Variants in NBEA observed in about 807,000 individuals in gnomAD.
NBEA encodes the protein neurobeachin.
Under a neutral mutation model 343.4 loss-of-function variants are expected in NBEA, and 44 were observed. The ratio of observed to expected loss-of-function variants is 0.13; its 90% CI spans 0.10 to 0.16. The LOEUF is 0.16. Among genes scored for constraint, NBEA ranks in the 10% least tolerant of loss-of-function variants. The probability of loss-of-function intolerance (pLI) is 1.00; values close to 1 mark genes in which losing one functional copy is unlikely to be tolerated. For synonymous variants in NBEA, 1,175 were observed against 1,238.7 expected, an observed-to-expected ratio of 0.95 and a Z score of 1.08; for missense variants, 2,555 against 3,631.3, an observed-to-expected ratio of 0.70 and a Z score of 7.62.
intron 58 of NBEA, among the ~76,000 whole-genome samples, chr13:35,669,170 G>A (rs957886588): frequency 1.3e-5 from 2 of 152,028 alleles, no homozygotes; most frequent in African/African-American, 2.4e-5. Flanking sequence ...TTTGCAATAG[G>A]ATTTTATTAT....
chr13:35,410,073 A>G (rs909556597), intron 38 of NBEA, among the ~76,000 whole-genome samples: 2 of 152,092 alleles, frequency 1.3e-5, no homozygotes, highest in African/African-American at 4.8e-5. Context: ...TGTTTCAGAG[A>G]ATTTATCAAG....
intron 1 of NBEA, among the ~76,000 whole-genome samples, chr13:34,963,019 A>G (rs1453499089): frequency 6.6e-6 from 1 of 151,992 alleles, no homozygotes; most frequent in African/African-American, 2.4e-5. Flanking sequence ...TTACTGATTT[A>G]ATGTGGGATA....
rs78698318 is a variant in NBEA, at chr13:35,113,590, T to C, written c.2002+2612T>C. 1.7e-3 allele frequency among the ~76,000 whole-genome samples: 226 copies of C among 132,878 alleles called. 2 individuals are homozygous for C. Among genetic ancestry groups the C allele is most frequent in the African/African-American group, 5.4e-3 (184 of 34,116 alleles). 87.2% of individuals were successfully genotyped at this position (132,878 alleles called of 152,430 possible). A position where few individuals can be genotyped will look rare whatever the true frequency, so the allele number is the denominator to read the frequency against. On this transcript the variant is annotated intron_variant, in intron 13 of 58. Coordinates refer to ENST00000379939, the MANE Select transcript of NBEA (RefSeq NM_001385012.1). ...AACTTGTTTTACTCCTCCACTCATC[T>C]ATCTATCTATCTATCTATCTATCTA...
intron 41 of NBEA, among the ~76,000 whole-genome samples, chr13:35,517,038 C>T (rs1480882981): frequency 6.6e-6 from 1 of 152,066 alleles, no homozygotes. Context: ...CATATACAGT[C>T]AAAATTATAC....
intron 17 of NBEA, among the ~76,000 whole-genome samples, chr13:35,129,348 A>G (rs145515737): frequency 8.0e-4 from 122 of 152,276 alleles, no homozygotes; most frequent in African/African-American, 2.7e-3. Context: ...ACACAAAAGT[A>G]AGGGAAATTC....
chr13:35,464,795 T>C (rs936740630), intron 40 of NBEA, among the ~76,000 whole-genome samples: 5 of 152,228 alleles, frequency 3.3e-5, no homozygotes, highest in Non-Finnish European at 7.3e-5. Context: ...ATAATTATTC[T>C]TGTGTATTCT....
intron 49 of NBEA, among the ~76,000 whole-genome samples, chr13:35,633,688 C>T (rs986535812): frequency 2.6e-5 from 4 of 151,938 alleles, no homozygotes; most frequent in Non-Finnish European, 5.9e-5. Flanking sequence ...ATACCTAATT[C>T]ATGGGAGAAA....
intron 1 of NBEA, among the ~76,000 whole-genome samples, chr13:35,037,327 T>C (rs2062480757): frequency 6.6e-6 from 1 of 152,210 alleles, no homozygotes; most frequent in Non-Finnish European, 1.5e-5. Flanking sequence ...TCTTTGAGTT[T>C]CCTCAACACA....
At chr13:35,670,800 G>T in intron 58 of NBEA, 101 bp from the exon 59 acceptor site, 1 of 745,162 alleles carries the variant, frequency 1.3e-6, no homozygotes, top group South Asian at 1.6e-5. Flanking sequence ...TCGTGATATT[G>T]TCTAGTGTAA....
At chr13:35,333,399 A>G (rs964818756) in intron 36 of NBEA, among the ~76,000 whole-genome samples, 1 of 152,044 alleles carries the variant, frequency 6.6e-6, no homozygotes, top group Admixed American at 6.6e-5. Context: ...GATTTTTAAA[A>G]TTTTTTATTT....
chr13:35,176,908 G>GTGAC, intron 27 of NBEA, 88 bp from the exon 28 acceptor site: 2 of 797,818 alleles, frequency 2.5e-6, no homozygotes, highest in Non-Finnish European at 4.1e-6. Context: ...GATACATGAT[G>GTGAC]TGACCAGTTT....
At chr13:35,580,111 A>C (rs2080945914) in intron 45 of NBEA, among the ~76,000 whole-genome samples, 1 of 152,082 alleles carries the variant, frequency 6.6e-6, no homozygotes, top group Non-Finnish European at 1.5e-5. Context: ...AAAGTTTTAT[A>C]GGGATAGAAA....
chr13:35,094,444 T>C (rs750831702), intron 10 of NBEA, among the ~76,000 whole-genome samples: 35 of 152,204 alleles, frequency 2.3e-4, no homozygotes, highest in Admixed American at 4.6e-4. Flanking sequence ...TTGGTCTTCT[T>C]TGAGATCACA....
intron 1 of NBEA, among the ~76,000 whole-genome samples, chr13:35,024,886 T>C (rs1239692864): frequency 6.6e-6 from 1 of 152,122 alleles, no homozygotes; most frequent in East Asian, 1.9e-4. Context: ...TGGTGTGAGA[T>C]CTTACCTCAT....
intron 34 of NBEA, among the ~76,000 whole-genome samples, chr13:35,276,490 CAAG>C (rs946804176): frequency 3.3e-5 from 5 of 152,032 alleles, no homozygotes; most frequent in African/African-American, 1.2e-4. Context: ...TCTTTTGAGA[CAAG>C]AAATATTTTT....
At chr13:34,987,592 C>A (rs1285226547) in intron 1 of NBEA, among the ~76,000 whole-genome samples, 2 of 150,868 alleles carry the variant, frequency 1.3e-5, no homozygotes, top group Admixed American at 6.6e-5. Flanking sequence ...AGAGTATTTT[C>A]CAACTTGGTT....
chr13:35,188,193 A>G (rs1296231148), intron 30 of NBEA, among the ~76,000 whole-genome samples: 1 of 151,180 alleles, frequency 6.6e-6, no homozygotes, highest in Non-Finnish European at 1.5e-5. Flanking sequence ...TGATATTTGT[A>G]TGCATTAGGG....
At chr13:35,538,868 C>T (rs1241642877) in intron 41 of NBEA, among the ~76,000 whole-genome samples, 1 of 152,148 alleles carries the variant, frequency 6.6e-6, no homozygotes, top group African/African-American at 2.4e-5. Flanking sequence ...CATCGTGGTT[C>T]AATCCAGGGT....
intron 30 of NBEA, chr13:35,185,660 G>A (rs1438875289): frequency 6.6e-6 from 1 of 152,098 alleles, no homozygotes; most frequent in Non-Finnish European, 1.5e-5. Context: ...AGTAATGCAC[G>A]TTGTCAAGAA....
Sources: gnomAD v4.1 joint callset for allele counts (sites outside exome capture counted in the v4.1 genomes callset) on GRCh38, gnomAD v4.1.1 for gene constraint, MANE v1.5 for transcripts, NCBI Gene and HGNC (gene_info 2026-07-23, HGNC 2026-07-21) for gene names.